Variants in LAMA2 observed in about 807,000 individuals in gnomAD.
The protein encoded by LAMA2 is laminin subunit alpha 2, also known as laminin subunit alpha-2.
LAMA2 carries 269 observed loss-of-function variants against 364.8 expected under a neutral mutation model. The ratio of observed to expected loss-of-function variants is 0.74; its 90% CI spans 0.67 to 0.82. The LOEUF is 0.82. Ranked by LOEUF, LAMA2 falls within the 40% of genes least tolerant of loss-of-function variation. LAMA2 has a pLI of 0.00. For missense variants in LAMA2, 3,807 were observed against 3,873.2 expected (o/e 0.98, Z 0.45); for synonymous variants, 1,379 against 1,370.6 (o/e 1.01, Z -0.14).
chr6:129,195,331 T>C (rs1936132552), intron 12 of LAMA2, among the ~76,000 whole-genome samples: 1 of 152,218 alleles, frequency 6.6e-6, no homozygotes, highest in Non-Finnish European at 1.5e-5. Context: ...ACATTTTTGC[T>C]AACATGGATG....
chr6:129,223,132 C>G (rs546280867), intron 12 of LAMA2, among the ~76,000 whole-genome samples: 55 of 152,170 alleles, frequency 3.6e-4, no homozygotes, highest in Non-Finnish European at 6.2e-4. Context: ...CTGGCTGCAT[C>G]AGTGTCTTCT....
In LAMA2 at chr6:129,292,786, A is replaced by G. The variant is rs746192088; in HGVS notation, c.2856+1066A>G. On this transcript the variant is annotated intron_variant, in intron 20 of 64. Coordinates refer to ENST00000421865, the MANE Select transcript of LAMA2 (RefSeq NM_000426.4). ...CTCTGTTTTGTTTTTATTTTATTTT[A>G]TGGTTGGTTTTTAAAGCCCAATATG... 1,523 of 984,232 alleles carry G rather than the reference A, an allele frequency of 1.5e-3. 7 individuals are homozygous for G. The highest frequency in any genetic ancestry group is 1.7e-3 in the Non-Finnish European group (1,427 of 828,564). 61.0% of individuals were successfully genotyped at this position (984,232 alleles called of 1,614,324 possible). A position where few individuals can be genotyped will look rare whatever the true frequency, so the allele number is the denominator to read the frequency against.
At chr6:129,140,284 T>G (rs990214300) in intron 4 of LAMA2, among the ~76,000 whole-genome samples, 7 of 152,136 alleles carry the variant, frequency 4.6e-5, no homozygotes, top group African/African-American at 1.7e-4. Flanking sequence ...CAGGATTATT[T>G]GGGTGAACAG....
chr6:129,115,053 C>A (rs542965311), intron 4 of LAMA2, among the ~76,000 whole-genome samples: 32 of 152,132 alleles, frequency 2.1e-4, no homozygotes, highest in Non-Finnish European at 3.5e-4. Flanking sequence ...ATTTGTATGA[C>A]AATGACTTCT....
At chr6:129,349,209 G>A (rs1776722322) in intron 30 of LAMA2, 89 bp from the exon 31 acceptor site, 8 of 973,128 alleles carry the variant, frequency 8.2e-6, no homozygotes, top group Non-Finnish European at 1.3e-5. Context: ...CTAAAAGTAT[G>A]TCCCAATAAC....
At chr6:129,266,219 G>A (rs2114341532) in intron 15 of LAMA2, among the ~76,000 whole-genome samples, 1 of 152,180 alleles carries the variant, frequency 6.6e-6, no homozygotes, top group African/African-American at 2.4e-5. Context: ...TTAGAGGGCA[G>A]CAGTATTTGC....
chr6:129,509,473 T>C (rs1224792052), intron 62 of LAMA2, among the ~76,000 whole-genome samples: 1 of 152,232 alleles, frequency 6.6e-6, no homozygotes, highest in Admixed American at 6.5e-5. Flanking sequence ...ATTGTAATAG[T>C]TTCATAGTTG....
At chr6:129,106,655 A>T (rs1353846039) in intron 4 of LAMA2, among the ~76,000 whole-genome samples, 1 of 152,098 alleles carries the variant, frequency 6.6e-6, no homozygotes, top group Admixed American at 6.6e-5. Flanking sequence ...GAGTCCTCTA[A>T]AAAATGAAAT....
chr6:129,280,204 C>T (rs1411114565), intron 18 of LAMA2, 57 bp downstream of exon 18: 44 of 1,081,824 alleles, frequency 4.1e-5, no homozygotes, highest in Middle Eastern at 2.0e-4. Context: ...GTTATAAAAC[C>T]GCAGATACAA....
At chr6:129,389,007 T>C (rs1779176824) in intron 35 of LAMA2, among the ~76,000 whole-genome samples, 1 of 152,186 alleles carries the variant, frequency 6.6e-6, no homozygotes, top group South Asian at 2.1e-4. Context: ...GCTTTCAAAC[T>C]AATCAGCCTA....
At chr6:129,373,963 C>G (rs189272164) in intron 34 of LAMA2, among the ~76,000 whole-genome samples, 5 of 152,186 alleles carry the variant, frequency 3.3e-5, no homozygotes, top group Admixed American at 2.6e-4. Context: ...CTATTTTTAT[C>G]TGCCCATTCT....
chr6:129,060,894 C>A (rs1788865346), intron 3 of LAMA2, among the ~76,000 whole-genome samples: 1 of 152,158 alleles, frequency 6.6e-6, no homozygotes, highest in African/African-American at 2.4e-5. Flanking sequence ...CCCATATGGG[C>A]CTCCTCGGGA....
At chr6:129,186,485 G>GTGTA (rs1781236320) in intron 10 of LAMA2, among the ~76,000 whole-genome samples, 2 of 129,922 alleles carry the variant, frequency 1.5e-5, no homozygotes, top group South Asian at 2.3e-4. Flanking sequence ...GTTTTACTGT[G>GTGTA]TGTATTTATT....
intron 1 of LAMA2, among the ~76,000 whole-genome samples, chr6:128,924,179 A>G (rs1279183143): frequency 2.6e-5 from 4 of 152,144 alleles, no homozygotes; most frequent in Non-Finnish European, 4.4e-5. Context: ...TATCCCTGCT[A>G]TAATTTTTAC....
chr6:129,228,430 G>A (rs1360405486), intron 12 of LAMA2, among the ~76,000 whole-genome samples: 1 of 152,134 alleles, frequency 6.6e-6, no homozygotes, highest in Admixed American at 6.5e-5. Flanking sequence ...CTCATGCTGG[G>A]AGCTGTAGAC....
intron 12 of LAMA2, among the ~76,000 whole-genome samples, chr6:129,223,949 T>A (rs1784059948): frequency 6.6e-6 from 1 of 152,248 alleles, no homozygotes; most frequent in Non-Finnish European, 1.5e-5. Context: ...ATGGCCATTT[T>A]CACGATATTG....
At chr6:128,898,680 A>G (rs2114407923) in intron 1 of LAMA2, among the ~76,000 whole-genome samples, 1 of 152,330 alleles carries the variant, frequency 6.6e-6, no homozygotes, top group East Asian at 1.9e-4. Flanking sequence ...GGCAAAGTGA[A>G]CTCTGAAAAT....
chr6:128,993,015 G>C (rs1783698507), intron 1 of LAMA2, among the ~76,000 whole-genome samples: 1 of 152,142 alleles, frequency 6.6e-6, no homozygotes, highest in African/African-American at 2.4e-5. Context: ...TTATATGCCA[G>C]ACTCATCACT....
intron 32 of LAMA2, among the ~76,000 whole-genome samples, chr6:129,361,446 C>G (rs1283701698): frequency 6.6e-6 from 1 of 152,222 alleles, no homozygotes; most frequent in Non-Finnish European, 1.5e-5. Context: ...TGCATACACT[C>G]TCATGATTCT....
Sources: gnomAD v4.1 joint callset for allele counts (sites outside exome capture counted in the v4.1 genomes callset) on GRCh38, gnomAD v4.1.1 for gene constraint, MANE v1.5 for transcripts, NCBI Gene and HGNC (gene_info 2026-07-23, HGNC 2026-07-21) for gene names.